Variants in CAMK1D observed in about 807,000 individuals in gnomAD.
CAMK1D encodes calcium/calmodulin dependent protein kinase ID, also known as calcium/calmodulin-dependent protein kinase type 1D.
In CAMK1D, 9 loss-of-function variants were observed where a neutral mutation model predicts 47.7. That is an observed-to-expected ratio of 0.19 (90% confidence interval 0.11 to 0.33). The LOEUF (loss-of-function observed/expected upper bound fraction) is 0.33, where lower values mean the gene tolerates loss of function less well. CAMK1D is among the 10% of genes least tolerant of loss of function. The pLI, the probability that CAMK1D is intolerant of heterozygous loss-of-function variation, is 1.00. For missense variants in CAMK1D, 291 were observed against 488.7 expected (o/e 0.60, Z 3.81); for synonymous variants, 184 against 184.9 (o/e 0.99, Z 0.04).
intron 2 of CAMK1D, among the ~76,000 whole-genome samples, chr10:12,651,123 T>C (rs1839950356): frequency 6.6e-6 from 1 of 152,136 alleles, no homozygotes; most frequent in Non-Finnish European, 1.5e-5. Context: ...CCCTCCACTG[T>C]TTTCAGCGTC....
chr10:12,628,703 A>G (rs1270898262), intron 2 of CAMK1D, among the ~76,000 whole-genome samples: 1 of 152,204 alleles, frequency 6.6e-6, no homozygotes, highest in African/African-American at 2.4e-5. Context: ...TTTGACAAAT[A>G]TATGACATGT....
In CAMK1D at chr10:12,827,436, CTTCT is replaced by C. The variant is rs1245159080; in HGVS notation, c.1040-1318_1040-1315del. On this transcript the variant is annotated intron_variant, in intron 10 of 10. Transcript: ENST00000619168. ...CTCTCTTTCTTTCCTTCCTTCCTTC[CTTCT>C]TTCTTTCTTTCTTTTCTTTCTTTGT... 1.9e-4 allele frequency among the ~76,000 whole-genome samples: 23 copies of C among 121,544 alleles called. 8 individuals carry two copies. Among genetic ancestry groups the C allele is most frequent in the African/African-American group, 5.3e-4 (17 of 32,202 alleles). The allele number at this position is 121,544 out of a possible 152,430, so 79.7% of individuals were successfully genotyped here. A position where few individuals can be genotyped will look rare whatever the true frequency, so the allele number is the denominator to read the frequency against.
At chr10:12,506,016 G>A (rs372326714) in intron 1 of CAMK1D, among the ~76,000 whole-genome samples, 21 of 152,208 alleles carry the variant, frequency 1.4e-4, no homozygotes, top group African/African-American at 4.6e-4. Context: ...TCCTAGATGT[G>A]TGAAGATGGC....
At chr10:12,778,897 T>A (rs882911) in intron 5 of CAMK1D, among the ~76,000 whole-genome samples, 34,321 of 151,736 alleles carry the variant, frequency 0.23, 4,064 homozygotes, top group East Asian at 0.46. Context: ...AATGAGAGGG[T>A]TCATCAAGGG....
At chr10:12,500,207 A>T (rs146259934) in intron 1 of CAMK1D, among the ~76,000 whole-genome samples, 1 of 152,196 alleles carries the variant, frequency 6.6e-6, no homozygotes, top group South Asian at 2.1e-4. Flanking sequence ...TGGAGGTTGC[A>T]GTGAGCTGAG....
chr10:12,576,920 T>C (rs1837506472), intron 2 of CAMK1D, among the ~76,000 whole-genome samples: 1 of 151,812 alleles, frequency 6.6e-6, no homozygotes, highest in South Asian at 2.1e-4. Flanking sequence ...AGAGCTGGAG[T>C]GTCTGGCAGA....
intron 1 of CAMK1D, among the ~76,000 whole-genome samples, chr10:12,459,024 A>T (rs545573879): frequency 1.3e-5 from 2 of 151,636 alleles, no homozygotes; most frequent in South Asian, 4.2e-4. Flanking sequence ...GATTACAGGG[A>T]TGCGCCACCA....
intron 3 of CAMK1D, among the ~76,000 whole-genome samples, chr10:12,682,035 C>T (rs565347578): frequency 3.9e-5 from 6 of 152,268 alleles, no homozygotes; most frequent in East Asian, 1.9e-4. Flanking sequence ...CTGGCTAACA[C>T]GGTGAAACCC....
chr10:12,745,276 C>A (rs1399617920), intron 3 of CAMK1D, among the ~76,000 whole-genome samples: 1 of 152,264 alleles, frequency 6.6e-6, no homozygotes, highest in South Asian at 2.1e-4. Flanking sequence ...GTGATCCGCC[C>A]GCCTCAGCCT....
At chr10:12,480,320 A>G (rs1423601420) in intron 1 of CAMK1D, among the ~76,000 whole-genome samples, 2 of 152,068 alleles carry the variant, frequency 1.3e-5, no homozygotes, top group Non-Finnish European at 2.9e-5. Context: ...CTGCAATCTC[A>G]GCTACTCGGG....
intron 3 of CAMK1D, among the ~76,000 whole-genome samples, chr10:12,698,070 G>A (rs1833366778): frequency 6.6e-6 from 1 of 152,180 alleles, no homozygotes; most frequent in East Asian, 1.9e-4. Context: ...GTTGGGCCAA[G>A]TTTTCTAAAA....
chr10:12,528,173 G>A (rs1221891511), intron 1 of CAMK1D, among the ~76,000 whole-genome samples: 1 of 152,198 alleles, frequency 6.6e-6, no homozygotes, highest in African/African-American at 2.4e-5. Flanking sequence ...AGGTCACATA[G>A]CTAGTTAGTC....
At chr10:12,693,941 AATATATAAT>A (rs1483833352) in intron 3 of CAMK1D, among the ~76,000 whole-genome samples, 1 of 82,354 alleles carries the variant, frequency 1.2e-5, no homozygotes, top group Non-Finnish European at 2.2e-5. Flanking sequence ...ACATATATAA[AATATATAAT>A]ATATATTATA....
At position 12,694,163 on chromosome 10, in the gene CAMK1D, TGC is replaced by T. The variant is rs1276260509; in HGVS notation, c.299+27354_299+27355del. ...ATAATATAATATATAATATATATTA[TGC>T]ATAATATATATTATATATAATATAA... On this transcript the variant is annotated intron_variant, in intron 3 of 10. Transcript: ENST00000619168. 1.1e-3 allele frequency among the ~76,000 whole-genome samples: 44 copies of T among 40,968 alleles called. 12 individuals carry two copies. The highest frequency in any genetic ancestry group is 6.2e-3 in the South Asian group (7 of 1,130). 26.9% of individuals were successfully genotyped at this position (40,968 alleles called of 152,430 possible).
chr10:12,408,038 A>G (rs2131934973), intron 1 of CAMK1D, among the ~76,000 whole-genome samples: 1 of 152,010 alleles, frequency 6.6e-6, no homozygotes, highest in Non-Finnish European at 1.5e-5. Flanking sequence ...TTATATTTTT[A>G]GTAGAGACGG....
At chr10:12,469,348 T>C (rs59145998) in intron 1 of CAMK1D, among the ~76,000 whole-genome samples, 8,492 of 124,924 alleles carry the variant, frequency 0.068, 307 homozygotes, top group East Asian at 0.19. Flanking sequence ...TTAGAAAATA[T>C]CTGGATTTCA....
At chr10:12,524,158 G>C (rs1835540170) in intron 1 of CAMK1D, among the ~76,000 whole-genome samples, 1 of 151,484 alleles carries the variant, frequency 6.6e-6, no homozygotes, top group Admixed American at 6.6e-5. Flanking sequence ...GTAGAGACAG[G>C]GTTTCACGTT....
chr10:12,729,476 AT>A (rs890879939), intron 3 of CAMK1D, among the ~76,000 whole-genome samples: 8 of 151,332 alleles, frequency 5.3e-5, no homozygotes, highest in African/African-American at 7.3e-5. Flanking sequence ...TCTCTACAGA[AT>A]TTTTTTTTAA....
At chr10:12,655,304 C>T (rs181511104) in intron 2 of CAMK1D, among the ~76,000 whole-genome samples, 44 of 152,216 alleles carry the variant, frequency 2.9e-4, no homozygotes, top group African/African-American at 1.1e-3. Flanking sequence ...GTCGCAAAGA[C>T]AGCACCAAGC....
Sources: gnomAD v4.1 joint callset for allele counts (sites outside exome capture counted in the v4.1 genomes callset) on GRCh38, gnomAD v4.1.1 for gene constraint, MANE v1.5 for transcripts, NCBI Gene and HGNC (gene_info 2026-07-23, HGNC 2026-07-21) for gene names.